The following XRRA1 variants were observed in gnomAD, a reference collection of about 807,000 sequenced individuals.
XRRA1 encodes the protein X-ray radiation resistance associated 1.
A neutral mutation model predicts 80.2 loss-of-function variants in XRRA1; 69 were observed. That is an observed-to-expected ratio of 0.86 (90% CI 0.71 to 1.05). The LOEUF (loss-of-function observed/expected upper bound fraction) is 1.05, where lower values mean the gene tolerates loss of function less well. Ranked by LOEUF, XRRA1 falls within the 50% of genes least tolerant of loss-of-function variation. XRRA1 has a pLI of 0.00. For missense variants in XRRA1, 967 were observed against 976.4 expected (o/e 0.99, Z 0.13); for synonymous variants, 348 against 389.9 (o/e 0.89, Z 1.27).
At chr11:74,903,830 T>G (rs117554457) in intron 10 of XRRA1, among the ~76,000 whole-genome samples, 1,925 of 152,294 alleles carry the variant, frequency 0.013, 17 homozygotes, top group Non-Finnish European at 0.02. Flanking sequence ...TTATGTAAAT[T>G]ACAAACACAT....
chr11:74,897,796 A>C (rs1332774174), intron 10 of XRRA1, among the ~76,000 whole-genome samples: 1 of 152,030 alleles, frequency 6.6e-6, no homozygotes, highest in Non-Finnish European at 1.5e-5. Context: ...AGAAATAAAA[A>C]CCTTTCCAGA....
chr11:74,924,950 G>C (rs576315336), intron 7 of XRRA1, among the ~76,000 whole-genome samples: 60 of 152,304 alleles, frequency 3.9e-4, no homozygotes, highest in African/African-American at 1.4e-3. Context: ...GAGCTGACTA[G>C]CTATGATTAG....
chr11:74,868,117 C>T (rs555717250), intron 10 of XRRA1, among the ~76,000 whole-genome samples: 4 of 152,152 alleles, frequency 2.6e-5, no homozygotes, highest in East Asian at 3.9e-4. Context: ...CAGGGTTTCA[C>T]CATATTGGCC....
rs372567754 is a variant in XRRA1 at position 74,848,430 on chromosome 11, C to T, written c.1413G>A (p.Gln471=). Residue 471 remains glutamine, a synonymous_variant, in exon 15 of 19, where the codon CAG becomes CAA. Transcript: ENST00000684022. The part of the protein sequence containing the change: ...VKSEIPKVPK[Q]PLVLHHPRMT... ...TGCGCGGGTGATGGAGCACCAGAGG[C>T]TGCTTCGGCACCTTTGGGATTTCGC... 4.4e-4 allele frequency: 708 copies of T among 1,612,300 alleles called. 2 individuals carry two copies. Among genetic ancestry groups the T allele is most frequent in the Non-Finnish European group, 5.8e-4 (686 of 1,178,644 alleles).
At chr11:74,855,811 A>G (rs1344315840) in intron 12 of XRRA1, among the ~76,000 whole-genome samples, 1 of 152,224 alleles carries the variant, frequency 6.6e-6, no homozygotes, top group Non-Finnish European at 1.5e-5. Flanking sequence ...ATTAATTTCA[A>G]CACAGCTGTA....
chr11:74,902,544 A>G (rs1250017910), intron 10 of XRRA1, among the ~76,000 whole-genome samples: 1 of 152,264 alleles, frequency 6.6e-6, no homozygotes, highest in African/African-American at 2.4e-5. Context: ...GAATGGATAA[A>G]GAAAATGTGG....
At chr11:74,856,268 A>G (rs1310630893) in intron 12 of XRRA1, among the ~76,000 whole-genome samples, 1 of 152,260 alleles carries the variant, frequency 6.6e-6, no homozygotes, top group African/African-American at 2.4e-5. Flanking sequence ...ACAAAAGCAC[A>G]TTCTGGTAAT....
At chr11:74,850,110 G>A (rs1175437827) in intron 14 of XRRA1, among the ~76,000 whole-genome samples, 3 of 152,226 alleles carry the variant, frequency 2.0e-5, no homozygotes, top group African/African-American at 7.2e-5. Flanking sequence ...TCAAAGGTTA[G>A]TCAGAACCTT....
rs548469819 is a variant in XRRA1, at chr11:74,943,619, C to G, written c.-5+1399G>C. On this transcript the variant is annotated intron_variant, in intron 2 of 18. Transcript: ENST00000684022. ...CCTGCTCATAGAGGCAGCAACTAGT[C>G]AGCTCTTACCAACTGCTGCCATGCA... Among the ~76,000 whole-genome samples the G allele has an allele frequency of 1.2e-4, 18 of 150,314 alleles. No individual in the cohort carries two copies. The South Asian group carries it at 2.7e-3, about 23-fold the overall frequency.
intron 10 of XRRA1, among the ~76,000 whole-genome samples, chr11:74,877,335 G>C (rs1015564160): frequency 1.6e-4 from 24 of 152,078 alleles, no homozygotes; most frequent in African/African-American, 5.6e-4. Context: ...TACACTTCTG[G>C]TAAAGTACAG....
rs760550620 is a variant in XRRA1 at position 74,845,249 on chromosome 11, A to G, written c.1751T>C (p.Val584Ala). The G allele has an allele frequency of 9.9e-6, 16 of 1,613,540 alleles. No individual in the cohort carries two copies. The South Asian group carries it at 1.8e-4, about 18-fold the overall frequency. The change falls in exon 16 of 19, where the codon GTC (valine) becomes GCC (alanine). Residue 584 changes from valine to alanine, a missense_variant. Coordinates refer to ENST00000684022, the MANE Select transcript of XRRA1 (RefSeq NM_001378157.1). ...LTQVSELPSS[V>A]IHKDDLELKE... Reference sequence around the variant, plus strand: ...TAACTCTAAATCATCCTTATGGATGACGGAGGAAGGCAGTTCACTCACCTG... The same window carrying G: ...TAACTCTAAATCATCCTTATGGATGGCGGAGGAAGGCAGTTCACTCACCTG...
At chr11:74,926,699 T>A (rs1001481434) in intron 7 of XRRA1, among the ~76,000 whole-genome samples, 18 of 152,124 alleles carry the variant, frequency 1.2e-4, no homozygotes, top group African/African-American at 4.1e-4. Flanking sequence ...CAACTTGAAC[T>A]ATAAGGACAT....
Position 74,843,935 on chromosome 11 carries a change from G to C in XRRA1, c.2068C>G (p.Pro690Ala). ...AGAAGTTGGGCTCTAGTCTTCTTTG[G>C]GGGTGGAATCGGGATTCTCTGGGCC... The part of the protein sequence containing the change: ...KRAQRIPIPP[P>A]KKTRAQLLDD... Residue 690 changes from proline to alanine, a missense_variant, in exon 18 of 19, where the codon CCA becomes GCA. By Grantham distance (27) the Pro-to-Ala change is conservative (BLOSUM62 -1). Coordinates refer to ENST00000684022, the MANE Select transcript of XRRA1 (RefSeq NM_001378157.1). The C allele has an allele frequency of 6.2e-7, 1 of 1,613,688 alleles. No homozygotes were observed. Among genetic ancestry groups the C allele is most frequent in the African/African-American group, 1.3e-5 (1 of 75,050 alleles).
chr11:74,845,332 T>C, intron 15 of XRRA1, 61 bp from the exon 16 acceptor site: 2 of 1,518,546 alleles, frequency 1.3e-6, no homozygotes, highest in South Asian at 1.2e-5. Flanking sequence ...TCCATGAACA[T>C]TCGGAGTATC....
intron 9 of XRRA1, 59 bp downstream of exon 9, chr11:74,907,084 CAG>C: frequency 6.2e-7 from 1 of 1,605,678 alleles, no homozygotes; most frequent in Non-Finnish European, 8.5e-7. Flanking sequence ...GAACAGCACT[CAG>C]AGTGTGAGCA....
intron 10 of XRRA1, among the ~76,000 whole-genome samples, chr11:74,902,518 G>A (rs567879343): frequency 1.3e-5 from 2 of 152,274 alleles, no homozygotes; most frequent in Admixed American, 6.5e-5. Flanking sequence ...AGCAACCTAC[G>A]CATCCATCAA....
At chr11:74,902,403 T>C (rs193082724) in intron 10 of XRRA1, among the ~76,000 whole-genome samples, 10 of 152,254 alleles carry the variant, frequency 6.6e-5, no homozygotes, top group Admixed American at 2.6e-4. Context: ...GATCCAGCAA[T>C]CCCAATGCTG....
chr11:74,866,361 C>T (rs183614391), intron 10 of XRRA1, among the ~76,000 whole-genome samples: 9 of 151,820 alleles, frequency 5.9e-5, no homozygotes, highest in African/African-American at 2.2e-4. Context: ...TCAAGCAATC[C>T]TCCCACCTCA....
chr11:74,918,753 T>C (rs1485645565), intron 8 of XRRA1: 1 of 152,234 alleles, frequency 6.6e-6, no homozygotes, highest in East Asian at 1.9e-4. Context: ...ATACTGCCAA[T>C]AGAAGGGATT....
Sources: allele counts gnomAD v4.1 joint callset (sites outside exome capture counted in the v4.1 genomes callset), GRCh38; gene constraint gnomAD v4.1.1; transcripts MANE v1.5; gene names NCBI Gene and HGNC (gene_info 2026-07-23, HGNC 2026-07-21).